Variants in GRID2 observed in about 807,000 individuals in gnomAD.
GRID2 encodes glutamate receptor ionotropic, delta-2.
GRID2 carries 33 observed loss-of-function variants against 114.8 expected under a neutral mutation model. That is an observed-to-expected ratio of 0.29 (90% CI 0.22 to 0.38). GRID2 has a LOEUF of 0.38. GRID2 is among the 10% of genes least tolerant of loss of function. The pLI is 1.00. For missense variants in GRID2, 1,184 were observed against 1,257.7 expected (o/e 0.94, Z 0.89); for synonymous variants, 505 against 449.9 (o/e 1.12, Z -1.55).
intron 2 of GRID2, among the ~76,000 whole-genome samples, chr4:92,713,009 A>G (rs1349816400): frequency 7.6e-6 from 1 of 131,722 alleles, no homozygotes. Flanking sequence ...TTTTTTTTTT[A>G]TTATACTTTA....
intron 2 of GRID2, among the ~76,000 whole-genome samples, chr4:92,858,665 C>T (rs996477413): frequency 1.3e-5 from 2 of 152,188 alleles, no homozygotes; most frequent in African/African-American, 4.8e-5. Flanking sequence ...TCACGCTATT[C>T]TTCTACCTCA....
Position 92,939,027 on chromosome 4 carries a change from A to G in GRID2, c.245-145968A>G, listed in dbSNP as rs533428793. On this transcript the variant is annotated intron_variant, in intron 2 of 15. Transcript: ENST00000282020. ...GTGAATAGTGCCGCAATAAACATAC[A>G]TGTGTGGGTGTCTTTATAGCAGCAT... Among the ~76,000 whole-genome samples, 61 of 146,480 alleles carry G rather than the reference A, an allele frequency of 4.2e-4. 8 individuals are homozygous for G. In the South Asian group the frequency reaches 0.014, roughly 33 times the overall value.
chr4:93,388,714 A>T (rs1406881040), intron 8 of GRID2, among the ~76,000 whole-genome samples: 1 of 152,200 alleles, frequency 6.6e-6, no homozygotes, highest in African/African-American at 2.4e-5. Flanking sequence ...GTTTGCAAAG[A>T]AAGACTGTAA....
intron 1 of GRID2, among the ~76,000 whole-genome samples, chr4:93,792,017 A>G (rs1185052363): frequency 6.6e-6 from 1 of 152,222 alleles, no homozygotes; most frequent in Non-Finnish European, 1.5e-5. Context: ...GATGATTTAC[A>G]GTGTACTTTC....
At chr4:92,375,928 T>C in intron 1 of GRID2, among the ~76,000 whole-genome samples, 1 of 152,028 alleles carries the variant, frequency 6.6e-6, no homozygotes, top group African/African-American at 2.4e-5. Context: ...TTAAATTGCT[T>C]ACTGATATTT....
chr4:92,725,991 T>C (rs1220878763), intron 2 of GRID2, among the ~76,000 whole-genome samples: 1 of 151,962 alleles, frequency 6.6e-6, no homozygotes, highest in Non-Finnish European at 1.5e-5. Flanking sequence ...TAGGTGAAAA[T>C]ATTGAGTACA....
intron 2 of GRID2, among the ~76,000 whole-genome samples, chr4:92,862,130 T>C (rs930963152): frequency 6.6e-6 from 1 of 152,022 alleles, no homozygotes; most frequent in Non-Finnish European, 1.5e-5. Flanking sequence ...AAGGGTACTC[T>C]GGATATTTAA....
intron 2 of GRID2, among the ~76,000 whole-genome samples, chr4:92,973,946 CA>C (rs1235442844): frequency 2.6e-5 from 4 of 152,028 alleles, no homozygotes; most frequent in African/African-American, 9.7e-5. Flanking sequence ...ATCTATCTGA[CA>C]AAAGGCAAAA....
chr4:93,094,149 C>T (rs1731007882), intron 3 of GRID2, among the ~76,000 whole-genome samples: 1 of 151,556 alleles, frequency 6.6e-6, no homozygotes, highest in South Asian at 2.1e-4. Context: ...GCACTTGCTT[C>T]AGGAAAAAAA....
At chr4:93,414,189 C>A (rs890100632) in intron 9 of GRID2, among the ~76,000 whole-genome samples, 6 of 152,148 alleles carry the variant, frequency 3.9e-5, no homozygotes, top group African/African-American at 1.4e-4. Flanking sequence ...TTATTAAATC[C>A]ATTTTACTGC....
At chr4:92,954,349 A>G (rs2149139481) in intron 2 of GRID2, among the ~76,000 whole-genome samples, 1 of 152,300 alleles carries the variant, frequency 6.6e-6, no homozygotes. Context: ...TACTGTCATG[A>G]CCTTAGAAAT....
chr4:93,675,600 G>A (rs1247143430), intron 14 of GRID2, among the ~76,000 whole-genome samples: 1 of 152,098 alleles, frequency 6.6e-6, no homozygotes, highest in African/African-American at 2.4e-5. Context: ...CTTACCTGAG[G>A]TCACACACCA....
At chr4:93,069,087 CG>C (rs954168647) in intron 2 of GRID2, among the ~76,000 whole-genome samples, 1 of 151,770 alleles carries the variant, frequency 6.6e-6, no homozygotes, top group African/African-American at 2.4e-5. Flanking sequence ...AGGACAGTAT[CG>C]GGGGGCTGGT....
chr4:93,279,613 T>C (rs1372512090), intron 8 of GRID2, among the ~76,000 whole-genome samples: 1 of 151,980 alleles, frequency 6.6e-6, no homozygotes, highest in Non-Finnish European at 1.5e-5. Flanking sequence ...TTTATATGTT[T>C]GCTTGAATTT....
intron 9 of GRID2, among the ~76,000 whole-genome samples, chr4:93,401,104 G>T (rs1447022437): frequency 6.6e-6 from 1 of 150,884 alleles, no homozygotes; most frequent in African/African-American, 2.5e-5. Flanking sequence ...ACAGGTATGA[G>T]CCACCGCACC....
intron 2 of GRID2, among the ~76,000 whole-genome samples, chr4:92,768,844 C>T (rs369421967): frequency 2.0e-5 from 3 of 152,196 alleles, no homozygotes; most frequent in East Asian, 1.9e-4. Context: ...CACTTCGTTC[C>T]TCCTACAACA....
At chr4:92,739,751 A>G (rs1736779808) in intron 2 of GRID2, among the ~76,000 whole-genome samples, 1 of 152,140 alleles carries the variant, frequency 6.6e-6, no homozygotes, top group Non-Finnish European at 1.5e-5. Flanking sequence ...AAGAAGTTAT[A>G]GGAGAAGAGG....
intron 14 of GRID2, among the ~76,000 whole-genome samples, chr4:93,651,618 TAACTTTTAA>T (rs1722590285): frequency 6.6e-6 from 1 of 152,080 alleles, no homozygotes; most frequent in African/African-American, 2.4e-5. Context: ...ATATGAAAAA[TAACTTTTAA>T]AAGGCAATGA....
chr4:92,815,003 G>C (rs1268524073), intron 2 of GRID2, among the ~76,000 whole-genome samples: 2 of 152,138 alleles, frequency 1.3e-5, no homozygotes, highest in African/African-American at 4.8e-5. Flanking sequence ...TTGTAGAGCA[G>C]GCAGTGGGGG....
Sources: allele counts gnomAD v4.1 joint callset (sites outside exome capture counted in the v4.1 genomes callset), GRCh38; gene constraint gnomAD v4.1.1; transcripts MANE v1.5; gene names NCBI Gene and HGNC (gene_info 2026-07-23, HGNC 2026-07-21).